The following SORCS3 variants were observed in gnomAD, a reference collection of about 807,000 sequenced individuals.
SORCS3 encodes sortilin related VPS10 domain containing receptor 3.
A neutral mutation model predicts 146.3 loss-of-function variants in SORCS3; 57 were observed. That is an observed-to-expected ratio of 0.39 (90% confidence interval 0.31 to 0.49). SORCS3 has a LOEUF of 0.49. SORCS3 is among the 20% of genes least tolerant of loss of function. The pLI is 0.92. For missense variants in SORCS3, 1,341 were observed against 1,575.5 expected (o/e 0.85, Z 2.52); for synonymous variants, 653 against 618.5 (o/e 1.06, Z -0.83).
intron 5 of SORCS3, among the ~76,000 whole-genome samples, chr10:105,049,758 C>A (rs1367278843): frequency 6.6e-6 from 1 of 151,912 alleles, no homozygotes; most frequent in Non-Finnish European, 1.5e-5. Context: ...TAAGCAGGAG[C>A]TAAACCTTGG....
chr10:105,006,959 A>G (rs1408878151), intron 4 of SORCS3, among the ~76,000 whole-genome samples: 1 of 152,206 alleles, frequency 6.6e-6, no homozygotes, highest in Non-Finnish European at 1.5e-5. Context: ...AGGAAGGAAA[A>G]GACTTGGTCT....
At chr10:105,127,047 T>C (rs967209746) in intron 7 of SORCS3, among the ~76,000 whole-genome samples, 6 of 152,136 alleles carry the variant, frequency 3.9e-5, no homozygotes, top group Non-Finnish European at 7.4e-5. Context: ...TACTCGCTGA[T>C]TGACAAATGT....
At chr10:104,964,021 G>C (rs2054812338) in intron 3 of SORCS3, among the ~76,000 whole-genome samples, 1 of 152,080 alleles carries the variant, frequency 6.6e-6, no homozygotes, top group African/African-American at 2.4e-5. Context: ...CCAGCTTGGT[G>C]CAGGCCATTC....
At position 105,009,829 on chromosome 10, in the gene SORCS3, A is replaced by C. The variant is rs138480029; in HGVS notation, c.954+32336A>C. Among the ~76,000 whole-genome samples the C allele has an allele frequency of 3.0e-3, 462 of 152,228 alleles. 3 individuals are homozygous for C. The highest frequency in any genetic ancestry group is 0.01 in the African/African-American group (434 of 41,540). The stretch of plus-strand genomic sequence containing the variant: ...TACAACAGGGCCCTGGCTGGGAAGA[A>C]AACTTGCCATTCTTTTAGAAGATCA... On this transcript the variant is annotated intron_variant, in intron 4 of 26. Transcript: ENST00000369701.
At chr10:105,162,301 G>A (rs1367881928) in intron 11 of SORCS3, among the ~76,000 whole-genome samples, 1 of 152,178 alleles carries the variant, frequency 6.6e-6, no homozygotes, top group Non-Finnish European at 1.5e-5. Context: ...AAAGATCCCA[G>A]TTCTTCTTCT....
intron 1 of SORCS3, among the ~76,000 whole-genome samples, chr10:104,741,021 G>T (rs777233422): frequency 6.6e-6 from 1 of 151,884 alleles, no homozygotes; most frequent in Non-Finnish European, 1.5e-5. Flanking sequence ...GAATGCAATG[G>T]TCCTATCATA....
intron 1 of SORCS3, among the ~76,000 whole-genome samples, chr10:104,677,915 T>G (rs999749916): frequency 6.6e-6 from 1 of 152,178 alleles, no homozygotes; most frequent in Non-Finnish European, 1.5e-5. Flanking sequence ...ATCTCATTAT[T>G]ACATTTAAAA....
At chr10:104,825,038 G>T (rs373675443) in intron 1 of SORCS3, among the ~76,000 whole-genome samples, 1 of 152,244 alleles carries the variant, frequency 6.6e-6, no homozygotes, top group African/African-American at 2.4e-5. Context: ...GCATTGGCAT[G>T]CAGGGAGTTC....
At chr10:104,747,952 T>C (rs2016930298) in intron 1 of SORCS3, among the ~76,000 whole-genome samples, 1 of 152,242 alleles carries the variant, frequency 6.6e-6, no homozygotes. Flanking sequence ...AGTTTCTTCA[T>C]CTTTAAGTGG....
At chr10:104,778,265 C>G (rs1170345199) in intron 1 of SORCS3, among the ~76,000 whole-genome samples, 1 of 152,084 alleles carries the variant, frequency 6.6e-6, no homozygotes, top group African/African-American at 2.4e-5. Flanking sequence ...AATTCTAGGC[C>G]CGGTTCCATA....
chr10:104,737,577 C>G lies in SORCS3; in HGVS notation c.627+95623C>G, dbSNP rs532293990. The stretch of plus-strand genomic sequence containing the variant: ...TGTCTTTTGGCTGCATAAATGTCTT[C>G]TTTTGAGAAGTGTCTGTTCATATCC... On this transcript the variant is annotated intron_variant, in intron 1 of 26. Transcript: ENST00000369701. Among the ~76,000 whole-genome samples the G allele has an allele frequency of 7.2e-5, 11 of 152,254 alleles. No individual in the cohort carries two copies. The East Asian group carries it at 1.2e-3, about 16-fold the overall frequency.
chr10:104,915,689 T>G, intron 2 of SORCS3, 144 bp from the exon 3 acceptor site: 1 of 674,948 alleles, frequency 1.5e-6, no homozygotes, highest in East Asian at 2.7e-5. Context: ...CTTCTAAAAT[T>G]AATGGGGCTT....
intron 1 of SORCS3, among the ~76,000 whole-genome samples, chr10:104,750,722 C>T (rs1160455194): frequency 1.3e-5 from 2 of 152,156 alleles, no homozygotes; most frequent in Non-Finnish European, 2.9e-5. Flanking sequence ...TAAAGTTCTA[C>T]AAATCCCAAA....
intron 11 of SORCS3, among the ~76,000 whole-genome samples, chr10:105,163,392 T>C (rs1473440362): frequency 2.0e-5 from 3 of 152,178 alleles, no homozygotes; most frequent in Non-Finnish European, 4.4e-5. Context: ...ATGTTTAGGG[T>C]TCCTTCCTGG....
chr10:104,925,233 T>G (rs1193873490), intron 3 of SORCS3, among the ~76,000 whole-genome samples: 1 of 152,208 alleles, frequency 6.6e-6, no homozygotes, highest in Non-Finnish European at 1.5e-5. Context: ...GCAAAGAAAA[T>G]GAACTCAAAA....
chr10:104,953,986 T>C (rs1263594209), intron 3 of SORCS3, among the ~76,000 whole-genome samples: 1 of 152,166 alleles, frequency 6.6e-6, no homozygotes, highest in Non-Finnish European at 1.5e-5. Flanking sequence ...AATAGCTGTC[T>C]GTATTGGGCA....
chr10:104,893,934 A>G (rs1436955642), intron 2 of SORCS3, among the ~76,000 whole-genome samples: 2 of 152,128 alleles, frequency 1.3e-5, no homozygotes, highest in East Asian at 3.9e-4. Context: ...CCTTTCTGCA[A>G]CACTCCCAAC....
intron 1 of SORCS3, among the ~76,000 whole-genome samples, chr10:104,671,444 A>G (rs1017937633): frequency 7.0e-6 from 1 of 142,468 alleles, no homozygotes; most frequent in African/African-American, 2.6e-5. Context: ...AAGCAATCCT[A>G]TTACCTCAGT....
At chr10:105,138,351 A>G (rs977480982) in intron 7 of SORCS3, among the ~76,000 whole-genome samples, 1 of 152,164 alleles carries the variant, frequency 6.6e-6, no homozygotes, top group African/African-American at 2.4e-5. Flanking sequence ...GGGTGGCTTC[A>G]GTAGAGAAGT....
Sources: allele counts gnomAD v4.1 joint callset (sites outside exome capture counted in the v4.1 genomes callset), GRCh38; gene constraint gnomAD v4.1.1; transcripts MANE v1.5; gene names NCBI Gene and HGNC (gene_info 2026-07-23, HGNC 2026-07-21).